RGS7: variants seen among roughly 807,000 people sequenced by gnomAD.
RGS7 encodes regulator of G-protein signaling 7.
RGS7 carries 27 observed loss-of-function variants against 81.1 expected under a neutral mutation model. That is an observed-to-expected ratio of 0.33 (90% CI 0.25 to 0.46). The LOEUF is 0.46. Ranked by LOEUF, RGS7 falls within the 20% of genes least tolerant of loss-of-function variation. The pLI, the probability that RGS7 is intolerant of heterozygous loss-of-function variation, is 1.00. For synonymous variants in RGS7, 208 were observed against 207.7 expected, an observed-to-expected ratio of 1.00 and a Z score of -0.01; for missense variants, 396 against 607.4, an observed-to-expected ratio of 0.65 and a Z score of 3.66.
intron 4 of RGS7, 125 bp downstream of exon 4, chr1:240,982,954 G>T: frequency 1.6e-6 from 1 of 627,794 alleles, no homozygotes; most frequent in Non-Finnish European, 2.9e-6. Flanking sequence ...TAAAAGCACA[G>T]TTCAAACTGA....
chr1:240,785,190 T>C (rs1684856437), intron 18 of RGS7, among the ~76,000 whole-genome samples: 1 of 152,192 alleles, frequency 6.6e-6, no homozygotes, highest in Non-Finnish European at 1.5e-5. Flanking sequence ...TCCAAATCCT[T>C]CACTACCTGG....
intron 2 of RGS7, among the ~76,000 whole-genome samples, chr1:241,173,203 C>T (rs1393157961): frequency 6.6e-6 from 1 of 152,196 alleles, no homozygotes; most frequent in African/African-American, 2.4e-5. Flanking sequence ...GAGCCCTACT[C>T]TGTGACTCTG....
At chr1:241,043,020 T>C (rs932137188) in intron 3 of RGS7, among the ~76,000 whole-genome samples, 3 of 152,054 alleles carry the variant, frequency 2.0e-5, no homozygotes, top group Admixed American at 6.6e-5. Flanking sequence ...TTATATTGTA[T>C]GGTATACTTG....
At chr1:241,313,094 T>A (rs552068429) in intron 2 of RGS7, among the ~76,000 whole-genome samples, 1 of 152,244 alleles carries the variant, frequency 6.6e-6, no homozygotes, top group Non-Finnish European at 1.5e-5. Flanking sequence ...AGGAGAAAAT[T>A]TGATAGCTAG....
intron 9 of RGS7, among the ~76,000 whole-genome samples, chr1:240,848,645 A>G (rs1659535565): frequency 8.7e-6 from 1 of 114,634 alleles, no homozygotes; most frequent in Non-Finnish European, 1.8e-5. Context: ...TTTTTTTTTT[A>G]AGAAAGAAAC....
chr1:241,331,759 C>T (rs2081990416), intron 2 of RGS7, among the ~76,000 whole-genome samples: 1 of 152,080 alleles, frequency 6.6e-6, no homozygotes, highest in Non-Finnish European at 1.5e-5. Context: ...CAGAGAGAAG[C>T]AAAATGAGCA....
At chr1:241,246,641 G>A (rs994878048) in intron 2 of RGS7, among the ~76,000 whole-genome samples, 5 of 152,116 alleles carry the variant, frequency 3.3e-5, no homozygotes, top group Non-Finnish European at 5.9e-5. Flanking sequence ...TCCTTCGGGG[G>A]TAGGCAAAGT....
chr1:240,805,340 T>C (rs1164413903), intron 15 of RGS7, among the ~76,000 whole-genome samples: 1 of 152,108 alleles, frequency 6.6e-6, no homozygotes, highest in Non-Finnish European at 1.5e-5. Flanking sequence ...GCCATGATCA[T>C]GCCACTGTAG....
At chr1:240,810,558 T>C (rs1015729311) in intron 14 of RGS7, among the ~76,000 whole-genome samples, 1 of 151,204 alleles carries the variant, frequency 6.6e-6, no homozygotes, top group East Asian at 2.0e-4. Flanking sequence ...GCGATTCTCA[T>C]TCCTCAGCCT....
intron 2 of RGS7, among the ~76,000 whole-genome samples, chr1:241,322,119 C>A (rs1174390180): frequency 6.6e-6 from 1 of 152,134 alleles, no homozygotes; most frequent in Admixed American, 6.5e-5. Context: ...CTAGATTATC[C>A]CACCTGAGAG....
At chr1:241,167,603 C>G (rs1231755532) in intron 2 of RGS7, among the ~76,000 whole-genome samples, 2 of 152,036 alleles carry the variant, frequency 1.3e-5, no homozygotes, top group Non-Finnish European at 2.9e-5. Flanking sequence ...ACTGCAACCT[C>G]CACCTCCTTG....
chr1:240,830,138 A>G (rs1481147894), intron 9 of RGS7, among the ~76,000 whole-genome samples: 1 of 152,240 alleles, frequency 6.6e-6, no homozygotes, highest in Non-Finnish European at 1.5e-5. Context: ...TTTATATCAT[A>G]TGGGTGTTAG....
intron 2 of RGS7, among the ~76,000 whole-genome samples, chr1:241,302,792 T>G (rs1377203470): frequency 6.6e-6 from 1 of 152,228 alleles, no homozygotes; most frequent in African/African-American, 2.4e-5. Flanking sequence ...CCAAATCATT[T>G]TGAAGAAATC....
chr1:240,947,851 T>C lies in RGS7; in HGVS notation c.227-11145A>G, dbSNP rs74635019. On this transcript the variant is annotated intron_variant, in intron 4 of 18. Coordinates refer to ENST00000440928, the MANE Select transcript of RGS7 (RefSeq NM_001364886.1). ...TCTTATATGATCTGGCCACCCCAGT[T>C]ACTTCTCTGTCTTCCTTTCCTATTT... Among the ~76,000 whole-genome samples, 4 of 152,370 alleles carry C rather than the reference T, an allele frequency of 2.6e-5. No individual in the cohort carries two copies. In the East Asian group the frequency reaches 7.7e-4, roughly 29 times the overall value.
chr1:241,308,951 GC>G (rs1002703517), intron 2 of RGS7, among the ~76,000 whole-genome samples: 1 of 152,188 alleles, frequency 6.6e-6, no homozygotes, highest in Middle Eastern at 3.2e-3. Flanking sequence ...ACCGAGGACA[GC>G]GATCAGCTAC....
At chr1:241,101,783 C>T (rs1364228941) in intron 2 of RGS7, among the ~76,000 whole-genome samples, 1 of 152,318 alleles carries the variant, frequency 6.6e-6, no homozygotes, top group Non-Finnish European at 1.5e-5. Context: ...ATCTGCTTAA[C>T]GGTTTAAAGC....
At chr1:240,930,842 A>G in intron 5 of RGS7, 74 bp from the exon 6 acceptor site, 1 of 1,335,948 alleles carries the variant, frequency 7.5e-7, no homozygotes. Flanking sequence ...AGTGAATTAC[A>G]TTTATCTTCC....
At chr1:241,174,320 A>T (rs889274330) in intron 2 of RGS7, among the ~76,000 whole-genome samples, 1 of 152,208 alleles carries the variant, frequency 6.6e-6, no homozygotes, top group African/African-American at 2.4e-5. Context: ...ATGTGTTACA[A>T]CCAGAATCAG....
chr1:241,299,082 A>G (rs1274145344), intron 2 of RGS7, among the ~76,000 whole-genome samples: 1 of 152,228 alleles, frequency 6.6e-6, no homozygotes, highest in East Asian at 1.9e-4. Flanking sequence ...AGACATGAGG[A>G]ACTCTGCTCA....
Sources: gnomAD v4.1 joint callset for allele counts (sites outside exome capture counted in the v4.1 genomes callset) on GRCh38, gnomAD v4.1.1 for gene constraint, MANE v1.5 for transcripts, NCBI Gene and HGNC (gene_info 2026-07-23, HGNC 2026-07-21) for gene names.